Variants in ZFP64 observed in about 807,000 individuals in gnomAD.
ZFP64 encodes the protein zinc finger protein 64.
In ZFP64, 14 loss-of-function variants were observed where a neutral mutation model predicts 51.6. The observed-to-expected ratio is 0.27, with a 90% CI of 0.18 to 0.42. The LOEUF (loss-of-function observed/expected upper bound fraction) is 0.42, where lower values mean the gene tolerates loss of function less well. Ranked by LOEUF, ZFP64 falls within the 10% of genes least tolerant of loss-of-function variation. The pLI, the probability that ZFP64 is intolerant of heterozygous loss-of-function variation, is 1.00. For missense variants in ZFP64, 754 were observed against 906.8 expected (o/e 0.83, Z 2.16); for synonymous variants, 375 against 361.4 (o/e 1.04, Z -0.43).
At chr20:52,108,602 G>C (rs936019808) in intron 5 of ZFP64, among the ~76,000 whole-genome samples, 4 of 151,406 alleles carry the variant, frequency 2.6e-5, no homozygotes, top group African/African-American at 9.7e-5. Flanking sequence ...TCCACCTCCT[G>C]GGTTCAAGCA....
At chr20:52,098,529 G>A (rs2079016503) in exon 6 of ZFP64, 2 of 1,614,032 alleles carry the variant, frequency 1.2e-6, no homozygotes, top group South Asian at 1.1e-5. Flanking sequence ...CCTTCGGAGT[G>A]TCAGTGCTTT....
intron 5 of ZFP64, chr20:52,105,321 T>A (rs1037026125): frequency 8.0e-7 from 1 of 1,253,312 alleles, no homozygotes; most frequent in Non-Finnish European, 1.0e-6. Flanking sequence ...ATTACCCCCC[T>A]TCGGCCGGAA....
In ZFP64 at chr20:52,088,902, A is replaced by T. The variant is rs1055270970; in HGVS notation, c.977-259T>A. ...ATTACAGGCCAAACCCTGTTTGGGA[A>T]AAATGGCAGTGGTTATAGAAGTACT... On this transcript the variant is annotated intron_variant, in intron 7 of 8. Coordinates refer to the ZFP64 transcript ENST00000361387. 4.7e-6 allele frequency: 3 copies of T among 635,898 alleles called. No individual in the cohort carries two copies. The African/African-American group carries it at 5.4e-5, about 11-fold the overall frequency. The allele number at this position is 635,898 out of a possible 1,614,324, so 39.4% of individuals were successfully genotyped here.
At chr20:52,190,150 C>G (rs1984268128) in intron 1 of ZFP64, among the ~76,000 whole-genome samples, 2 of 152,108 alleles carry the variant, frequency 1.3e-5, no homozygotes, top group Non-Finnish European at 2.9e-5. Context: ...AAGCACTTTG[C>G]AATCAATGGA....
chr20:52,110,648 A>C, intron 5 of ZFP64: 1 of 1,233,634 alleles, frequency 8.1e-7, no homozygotes, highest in Non-Finnish European at 1.1e-6. Context: ...TGTCCTATGC[A>C]GCTGGCCACC....
downstream of ZFP64, among the ~76,000 whole-genome samples, chr20:52,147,515 G>A (rs1251671779): frequency 6.6e-6 from 1 of 151,992 alleles, no homozygotes; most frequent in Non-Finnish European, 1.5e-5. Flanking sequence ...TATTCTAAAG[G>A]AAGAGATGAA....
Position 52,135,555 on chromosome 20 carries a change from C to T in ZFP64, c.763+24568G>A, listed in dbSNP as rs937237176. 4.6e-5 allele frequency among the ~76,000 whole-genome samples: 7 copies of T among 152,180 alleles called. No homozygotes were observed. In the East Asian group the frequency reaches 5.9e-4, roughly 13 times the overall value. ...AGTGCAGTGGTGTGATCATGGCTTA[C>T]GGCTCACTGCAGCATTGACGTCCTG... On this transcript the variant is annotated intron_variant, in intron 5 of 8. Transcript: ENST00000361387.
chr20:52,113,592 C>T (rs1341802195), intron 5 of ZFP64, among the ~76,000 whole-genome samples: 3 of 126,952 alleles, frequency 2.4e-5, no homozygotes, highest in Non-Finnish European at 3.2e-5. Context: ...CCATACCTGG[C>T]TTTTTTTTTT....
At position 52,085,193 on chromosome 20, in the gene ZFP64, G is replaced by C; in HGVS notation, c.1302C>G (p.Ile434Met). The C allele has an allele frequency of 6.2e-7, 1 of 1,614,212 alleles. No homozygotes were observed. The highest frequency in any genetic ancestry group is 8.5e-7 in the Non-Finnish European group (1 of 1,180,044). The change falls in exon 9 of 9, where the codon ATC becomes ATG. Residue 434 changes from isoleucine (I) to methionine (M), a missense_variant. Ile to Met is a conservative substitution (Grantham distance 10, BLOSUM62 1). Transcript: ENST00000361387. The surrounding 1 kb of genome is among the most constrained non-coding windows in gnomAD (Gnocchi z 4.3). ...TGAAAGGCTTCTCCCCCGAGTGCAC[G>C]ATCATGTGCCTTTTCAAGTCCGAGC...
rs1980868482 is a variant in ZFP64 at position 52,152,219 on chromosome 20, T to C, written c.1973A>G (p.Lys658Arg). The change falls in exon 6 of 6, where the codon AAG becomes AGG. Residue 658 changes from lysine to arginine, a missense_variant. Coordinates refer to ENST00000216923, the MANE Select transcript of ZFP64 (RefSeq NM_018197.3). ...FSSSSQQELP[K>R]QTYSIIQGAA... is the part of the protein sequence containing the mutation. The stretch of plus-strand genomic sequence containing the variant: ...CCCTTGAATGATGGAGTAGGTCTGC[T>C]TGGGTAGTTCTTGCTGGGAAGAGGA... The C allele has an allele frequency of 6.2e-7, 1 of 1,614,148 alleles. No individual in the cohort carries two copies. Among genetic ancestry groups the C allele is most frequent in the Non-Finnish European group, 8.5e-7 (1 of 1,180,034 alleles).
chr20:52,094,341 G>A (rs1199163420), intron 7 of ZFP64, among the ~76,000 whole-genome samples: 1 of 152,224 alleles, frequency 6.6e-6, no homozygotes, highest in Admixed American at 6.5e-5. Context: ...TTTTGCTTCA[G>A]TTCACTTTAT....
intron 5 of ZFP64, among the ~76,000 whole-genome samples, chr20:52,119,464 C>T (rs1979044280): frequency 6.7e-6 from 1 of 148,620 alleles, no homozygotes; most frequent in Non-Finnish European, 1.5e-5. Flanking sequence ...GCGGAGGTTG[C>T]AGTCAGCCAA....
chr20:52,153,332 A>T lies in ZFP64; in HGVS notation c.860T>A (p.Phe287Tyr). 6.2e-7 allele frequency: 1 copy of T among 1,614,198 alleles called. No individual in the cohort carries two copies. The highest frequency in any genetic ancestry group is 1.6e-4 in the Middle Eastern group (1 of 6,062). ...HMRVHSGEKP[F>Y]KCEFCNVRCT... is the part of the protein sequence containing the mutation. ...GCGGACATTGCAGAACTCGCACTTG[A>T]AAGGCTTCTCCCCCGAGTGCACCCG... Residue 287 changes from phenylalanine (F) to tyrosine (Y), a missense_variant, in exon 6 of 6, where the codon TTC becomes TAC. Physicochemically the swap from Phe to Tyr is conservative, Grantham distance 22. This residue lies in a region of ZFP64 where 231 missense variants were observed against 336.7 expected (regional missense o/e 0.69). Coordinates refer to ENST00000216923, the MANE Select transcript of ZFP64 (RefSeq NM_018197.3). This position sits in a 1 kb window ranked among gnomAD's most constrained non-coding sequence, Gnocchi z 5.1.
chr20:52,098,027 C>T (rs1206623498), intron 6 of ZFP64, among the ~76,000 whole-genome samples: 1 of 151,998 alleles, frequency 6.6e-6, no homozygotes, highest in East Asian at 1.9e-4. Context: ...TATGATCACA[C>T]CACTATACTC....
chr20:52,106,780 C>A (rs1978321394), intron 5 of ZFP64, among the ~76,000 whole-genome samples: 1 of 152,148 alleles, frequency 6.6e-6, no homozygotes, highest in Non-Finnish European at 1.5e-5. Flanking sequence ...TGTAGTTACA[C>A]GGATCTGTAA....
chr20:52,101,699 A>G (rs1383970506), intron 5 of ZFP64, among the ~76,000 whole-genome samples: 2 of 151,902 alleles, frequency 1.3e-5, no homozygotes, highest in Non-Finnish European at 2.9e-5. Flanking sequence ...ATGAGCCACC[A>G]CACCTGACCT....
chr20:52,108,449 T>C (rs1978371790), intron 5 of ZFP64, among the ~76,000 whole-genome samples: 2 of 152,150 alleles, frequency 1.3e-5, no homozygotes, highest in Non-Finnish European at 1.5e-5. Context: ...AAAAAAATTG[T>C]TTTTACTCTT....
intron 2 of ZFP64, among the ~76,000 whole-genome samples, chr20:52,185,742 G>A (rs1367667656): frequency 6.6e-6 from 1 of 151,844 alleles, no homozygotes; most frequent in African/African-American, 2.4e-5. Flanking sequence ...CACCACGCCC[G>A]GCTAATTTTT....
chr20:52,125,859 A>G (rs1434470575), intron 5 of ZFP64, among the ~76,000 whole-genome samples: 1 of 152,072 alleles, frequency 6.6e-6, no homozygotes, highest in East Asian at 1.9e-4. Context: ...ACTGTGTGCG[A>G]GGTACTTAAC....
Sources: gnomAD v4.1 joint callset for allele counts (sites outside exome capture counted in the v4.1 genomes callset) on GRCh38, gnomAD v4.1.1 for gene constraint, gnomAD v4.1.1 regional missense constraint, Gnocchi (gnomAD v3.1) non-coding constraint, MANE v1.5 for transcripts, NCBI Gene and HGNC (gene_info 2026-07-23, HGNC 2026-07-21) for gene names.